TAF1B: variants seen among roughly 807,000 people sequenced by gnomAD.
TAF1B encodes TATA box-binding protein-associated factor RNA polymerase I subunit B.
A neutral mutation model predicts 83.9 loss-of-function variants in TAF1B; 61 were observed. The ratio of observed to expected loss-of-function variants is 0.73; its 90% CI spans 0.59 to 0.90. TAF1B has a LOEUF of 0.90. Ranked by LOEUF, TAF1B falls within the 40% of genes least tolerant of loss-of-function variation. The pLI is 0.00. For missense variants in TAF1B, 625 were observed against 677.0 expected (o/e 0.92, Z 0.85); for synonymous variants, 221 against 224.6 (o/e 0.98, Z 0.14).
intron 6 of TAF1B, among the ~76,000 whole-genome samples, chr2:9,869,359 G>C (rs2125147099): frequency 6.6e-6 from 1 of 151,778 alleles, no homozygotes; most frequent in South Asian, 2.1e-4. Flanking sequence ...TGAGTAGCTG[G>C]GATTACAAGC....
At chr2:9,917,256 T>G (rs1455325195) in intron 12 of TAF1B, among the ~76,000 whole-genome samples, 1 of 152,218 alleles carries the variant, frequency 6.6e-6, no homozygotes, top group African/African-American at 2.4e-5. Context: ...TTTTTAAAAT[T>G]CTTGAAAAAA....
At chr2:9,844,084 T>C (rs191235096) in intron 1 of TAF1B, among the ~76,000 whole-genome samples, 156 of 152,340 alleles carry the variant, frequency 1.0e-3, no homozygotes, top group Non-Finnish European at 2.0e-3. Context: ...CTGAACACTT[T>C]ACCAAGTTGC....
intron 8 of TAF1B, among the ~76,000 whole-genome samples, chr2:9,884,223 G>T (rs1158788586): frequency 6.6e-6 from 1 of 152,190 alleles, no homozygotes; most frequent in East Asian, 1.9e-4. Flanking sequence ...GGAACACGGT[G>T]GTACCTGGGA....
intron 5 of TAF1B, among the ~76,000 whole-genome samples, chr2:9,858,860 T>C (rs1663652449): frequency 6.6e-6 from 1 of 152,208 alleles, no homozygotes; most frequent in Non-Finnish European, 1.5e-5. Flanking sequence ...ACCTGGCCCG[T>C]AAAACCATTT....
intron 3 of TAF1B, 27 bp from the exon 4 acceptor site, chr2:9,851,514 T>C: frequency 6.5e-7 from 1 of 1,548,624 alleles, no homozygotes; most frequent in Non-Finnish European, 8.8e-7. Context: ...GGAATGTATA[T>C]GCTAAAACAT....
chr2:9,846,304 A>G, intron 2 of TAF1B: 1 of 361,190 alleles, frequency 2.8e-6, no homozygotes, highest in South Asian at 2.2e-5. Flanking sequence ...TGTGAGTGCT[A>G]GGTCCTATTG....
At chr2:9,918,047 G>A (rs1357002977) in intron 12 of TAF1B, among the ~76,000 whole-genome samples, 25 of 151,000 alleles carry the variant, frequency 1.7e-4, no homozygotes, top group Admixed American at 1.6e-3. Flanking sequence ...ACTCCAGCCT[G>A]GGCGACAGAG....
chr2:9,847,361 T>C (rs563259847), intron 2 of TAF1B, among the ~76,000 whole-genome samples: 136 of 152,336 alleles, frequency 8.9e-4, no homozygotes, highest in African/African-American at 3.2e-3. Context: ...GGTCCAGGCA[T>C]GTTCTTCACA....
chr2:9,893,837 G>A (rs574664981), intron 8 of TAF1B, among the ~76,000 whole-genome samples: 34 of 152,334 alleles, frequency 2.2e-4, no homozygotes, highest in Admixed American at 3.9e-4. Flanking sequence ...ATGGGATAGG[G>A]AGGAAGTATA....
At position 9,849,431 on chromosome 2, in the gene TAF1B, A is replaced by G; in HGVS notation, c.176A>G (p.Asn59Ser). The G allele has an allele frequency of 6.3e-7, 1 of 1,584,384 alleles. No homozygotes were observed. The highest frequency in any genetic ancestry group is 2.2e-5 in the East Asian group (1 of 44,510). The change falls in exon 3 of 15, where the codon AAC (asparagine) becomes AGC (serine). Residue 59 changes from asparagine to serine, a missense_variant. Transcript: ENST00000263663. The part of the protein sequence containing the change: ...LIPNTQIKAL[N>S]RGLKKKNNTE... ...CCTAATACCCAAATAAAAGCCCTCA[A>G]CCGGGGGCTTAAAAAAAAAAACAAT...
chr2:9,876,755 A>G (rs1200896459), intron 7 of TAF1B, among the ~76,000 whole-genome samples: 2 of 152,196 alleles, frequency 1.3e-5, no homozygotes, highest in Admixed American at 1.3e-4. Flanking sequence ...ACCTTGAGTA[A>G]GTCATTTAAT....
chr2:9,889,551 A>G (rs1664800134), intron 8 of TAF1B, among the ~76,000 whole-genome samples: 1 of 152,014 alleles, frequency 6.6e-6, no homozygotes. Context: ...TTGTCTGCCA[A>G]TTCCATTGTC....
chr2:9,889,055 G>A (rs1025896837), intron 8 of TAF1B, among the ~76,000 whole-genome samples: 99 of 151,760 alleles, frequency 6.5e-4, no homozygotes, highest in African/African-American at 2.2e-3. Flanking sequence ...ACCCGCCTCG[G>A]CCTCCCAGAG....
intron 14 of TAF1B, 139 bp downstream of exon 14, chr2:9,919,959 A>T: frequency 1.3e-6 from 1 of 777,586 alleles, no homozygotes. Flanking sequence ...CTTGTGTAGG[A>T]GTTCTAGGAA....
intron 7 of TAF1B, 59 bp downstream of exon 7, chr2:9,876,077 C>T: frequency 6.8e-7 from 1 of 1,463,880 alleles, no homozygotes; most frequent in Non-Finnish European, 9.2e-7. Context: ...ACTAAGTAGA[C>T]AAACTTCGGA....
intron 9 of TAF1B, among the ~76,000 whole-genome samples, chr2:9,908,027 T>A (rs56143984): frequency 0.51 from 60,347 of 117,920 alleles, 18,439 homozygotes; most frequent in Non-Finnish European, 0.67. Context: ...AGATCTTAAT[T>A]CTTTTTTTTT....
At chr2:9,898,748 A>T (rs1244723963) in intron 8 of TAF1B, among the ~76,000 whole-genome samples, 1 of 152,180 alleles carries the variant, frequency 6.6e-6, no homozygotes, top group East Asian at 1.9e-4. Flanking sequence ...ATTTCCCCCA[A>T]AAGTGTATTT....
At chr2:9,923,403 G>A (rs1665937352) in intron 14 of TAF1B, among the ~76,000 whole-genome samples, 1 of 152,030 alleles carries the variant, frequency 6.6e-6, no homozygotes, top group African/African-American at 2.4e-5. Context: ...TGTTGGCCGG[G>A]CACGGTGGTT....
intron 14 of TAF1B, among the ~76,000 whole-genome samples, chr2:9,929,124 G>GT (rs1359469838): frequency 1.4e-5 from 2 of 146,790 alleles, no homozygotes; most frequent in African/African-American, 2.6e-5. Context: ...TAATCAGGTG[G>GT]TTTTGTCATT....
Sources: gnomAD v4.1 joint callset for allele counts (sites outside exome capture counted in the v4.1 genomes callset) on GRCh38, gnomAD v4.1.1 for gene constraint, MANE v1.5 for transcripts, NCBI Gene and HGNC (gene_info 2026-07-23, HGNC 2026-07-21) for gene names.